The following ATP2A1 variants were observed in gnomAD, a reference collection of about 807,000 sequenced individuals.
The protein encoded by ATP2A1 is ATPase sarcoplasmic/endoplasmic reticulum Ca2+ transporting 1, also known as sarcoplasmic/endoplasmic reticulum calcium ATPase 1.
ATP2A1 carries 83 observed loss-of-function variants against 109.5 expected under a neutral mutation model. That is an observed-to-expected ratio of 0.76 (90% CI 0.63 to 0.91). The LOEUF (loss-of-function observed/expected upper bound fraction) is 0.91. Among genes scored for constraint, ATP2A1 ranks in the 40% least tolerant of loss-of-function variants. The probability of loss-of-function intolerance (pLI) is 0.00; values close to 1 mark genes in which losing one functional copy is unlikely to be tolerated. For synonymous variants in ATP2A1, 505 were observed against 537.6 expected (o/e 0.94, Z 0.84); for missense variants, 1,101 against 1,341.0 (o/e 0.82, Z 2.80).
At chr16:28,879,041 G>A in intron 1 of ATP2A1, 58 bp from the exon 2 acceptor site, 2 of 1,609,692 alleles carry the variant, frequency 1.2e-6, no homozygotes, top group Non-Finnish European at 1.7e-6. Context: ...TCTTGGGTGT[G>A]GGGGGCATGA....
rs1468010742 is a variant in ATP2A1, at chr16:28,878,686, T to A, written c.15T>A (p.His5Gln). 6.9e-6 allele frequency: 11 copies of A among 1,604,488 alleles called. No homozygotes were observed. ...AAGGGAGCACAATGGAGGCCGCTCATGCTAAAACCACGGAGGAATGTTTGG... is the reference window on the plus strand; with the variant it reads ...AAGGGAGCACAATGGAGGCCGCTCAAGCTAAAACCACGGAGGAATGTTTGG... MEAA[H>Q]AKTTEECLAY... Residue 5 changes from histidine (H) to glutamine (Q), a missense_variant, in exon 1 of 23, where the codon CAT (histidine) becomes CAA (glutamine). His to Gln is a conservative substitution (Grantham distance 24, BLOSUM62 0). Coordinates refer to ENST00000395503, the MANE Select transcript of ATP2A1 (RefSeq NM_004320.6).
rs748389594 is a variant in ATP2A1 at position 28,894,947 on chromosome 16, C to CA, written c.1415dup (p.Asn472LysfsTer48). On this transcript the variant is annotated frameshift_variant, in exon 12 of 23. Coordinates refer to ENST00000395503, the MANE Select transcript of ATP2A1 (RefSeq NM_004320.6). LOFTEE classifies it high-confidence loss of function. ...CGAAGGTGGAGAGAGCCAACGCCTG[C>CA]AACTCGGTGAGCCTGCGGAGCCCCT... 1.1e-5 allele frequency: 17 copies of CA among 1,611,624 alleles called. No individual in the cohort carries two copies. Among genetic ancestry groups the CA allele is most frequent in the Non-Finnish European group, 1.3e-5 (15 of 1,180,004 alleles).
rs1964141402 is a variant in ATP2A1, at chr16:28,903,233, T to C, written c.2862+86T>C. ...TGACCACTCCCACCAGGGGCGCCGA[T>C]GTGGGAGGCTGGTGGGAGTGGGCTG... On this transcript the variant is annotated intron_variant, in intron 20 of 22. Transcript: ENST00000395503. This position sits in a 1 kb window ranked among gnomAD's most constrained non-coding sequence, Gnocchi z 5.6. The C allele has an allele frequency of 6.4e-7, 1 of 1,571,930 alleles. No homozygotes were observed.
Position 28,899,647 on chromosome 16 carries a change from G to GCC in ATP2A1, c.1765-922_1765-921dup, listed in dbSNP as rs1373771764. Among the ~76,000 whole-genome samples the GCC allele has an allele frequency of 2.1e-3, 25 of 11,692 alleles. 1 individual carries two copies. Among genetic ancestry groups the GCC allele is most frequent in the South Asian group, 0.018 (2 of 112 alleles). The allele number at this position is 11,692 out of a possible 152,430, so 7.7% of individuals were successfully genotyped here. On this transcript the variant is annotated intron_variant, in intron 14 of 22. Coordinates refer to ENST00000395503, the MANE Select transcript of ATP2A1 (RefSeq NM_004320.6). ...GAGCGAGACTCCATCCCCTGCGCCC[G>GCC]CCCCCCCCCCCCCGAAAAAGACACA...
chr16:28,884,428 A>G (rs1963563797), intron 5 of ATP2A1, 147 bp from the exon 6 acceptor site: 1 of 746,624 alleles, frequency 1.3e-6, no homozygotes, highest in Admixed American at 2.1e-5. Context: ...CAGGAGCTCA[A>G]GCCAAGGGCC....
chr16:28,903,468 C>T lies in ATP2A1; in HGVS notation c.2980+28C>T. 6.3e-7 allele frequency: 1 copy of T among 1,583,380 alleles called. No homozygotes were observed. The highest frequency in any genetic ancestry group is 2.2e-5 in the East Asian group (1 of 44,716). ...AAGGAGTGCCCTCTCTGTCCCAAGC[C>T]CTGGCCCCACCACAGCCCCTTCCCC... On this transcript the variant is annotated intron_variant, in intron 21 of 22. Coordinates refer to ENST00000395503, the MANE Select transcript of ATP2A1 (RefSeq NM_004320.6). The surrounding 1 kb of genome is among the most constrained non-coding windows in gnomAD (Gnocchi z 5.6).
In ATP2A1 at chr16:28,902,913, T is replaced by C; in HGVS notation, c.2744+2T>C. 2 of 1,613,650 alleles carry C rather than the reference T, an allele frequency of 1.2e-6. No homozygotes were observed. Among genetic ancestry groups the C allele is most frequent in the Non-Finnish European group, 1.7e-6 (2 of 1,179,842 alleles). On this transcript the variant is annotated splice_donor_variant, in intron 19 of 22. Transcript: ENST00000395503. LOFTEE classifies it high-confidence loss of function. The surrounding 1 kb of genome is among the most constrained non-coding windows in gnomAD (Gnocchi z 4.8). ...CGAGATGTGCAATGCACTGAACAGG[T>C]GGGGGCCCCCCAGCTACACCCACCA...
rs1483249654 is a variant in ATP2A1, at chr16:28,898,988, CA to C, written c.1764+543del. Among the ~76,000 whole-genome samples the C allele has an allele frequency of 4.6e-5, 7 of 151,318 alleles. No individual in the cohort carries two copies. In the South Asian group the frequency reaches 1.5e-3, roughly 32 times the overall value. ...ACAAGCAAGGCCCTGTCTCTAAAAA[CA>C]AAAAACAAAAACACACACACACACA... is the stretch of plus-strand genomic sequence containing the variant. On this transcript the variant is annotated intron_variant, in intron 14 of 22. Transcript: ENST00000395503. This position sits in a 1 kb window ranked among gnomAD's most constrained non-coding sequence, Gnocchi z 4.0.
Position 28,898,185 on chromosome 16 carries a change from G to T in ATP2A1, c.1546-48G>T. The T allele has an allele frequency of 6.2e-7, 1 of 1,614,112 alleles. No individual in the cohort carries two copies. On this transcript the variant is annotated intron_variant, in intron 13 of 22. Coordinates refer to ENST00000395503, the MANE Select transcript of ATP2A1 (RefSeq NM_004320.6). This position sits in a 1 kb window ranked among gnomAD's most constrained non-coding sequence, Gnocchi z 4.0. ...TTCCTACTCCTAGCCACCTGTCACT[G>T]CCCTGGAAGGAAAGTGGTGGTCTCT... is the stretch of plus-strand genomic sequence containing the variant.
At chr16:28,892,023 A>G (rs1178026076) in intron 9 of ATP2A1, among the ~76,000 whole-genome samples, 1 of 152,194 alleles carries the variant, frequency 6.6e-6, no homozygotes, top group Non-Finnish European at 1.5e-5. Context: ...GGCAACACAC[A>G]TGCTTCTTTA....
chr16:28,895,287 G>C (rs1364153474), intron 12 of ATP2A1, among the ~76,000 whole-genome samples: 1 of 152,182 alleles, frequency 6.6e-6, no homozygotes, highest in African/African-American at 2.4e-5. Flanking sequence ...AAGCACACTT[G>C]TTTTCAGCAG....
At chr16:28,897,975 TC>T in intron 12 of ATP2A1, 24 bp from the exon 13 acceptor site, 2 of 1,613,864 alleles carry the variant, frequency 1.2e-6, no homozygotes, top group Non-Finnish European at 8.5e-7. Flanking sequence ...AGAGGACTGG[TC>T]TCCCCTCCCT....
rs1190927243 is a variant in ATP2A1, at chr16:28,903,329, T to C, written c.2869T>C (p.Phe957Leu). 6.2e-7 allele frequency: 1 copy of C among 1,613,246 alleles called. No individual in the cohort carries two copies. Among genetic ancestry groups the C allele is most frequent in the Non-Finnish European group, 8.5e-7 (1 of 1,179,592 alleles). Residue 957 changes from phenylalanine to leucine, a missense_variant, in exon 21 of 23, where the codon TTC (phenylalanine) becomes CTC (leucine). Coordinates refer to ENST00000395503, the MANE Select transcript of ATP2A1 (RefSeq NM_004320.6). The surrounding 1 kb of genome is among the most constrained non-coding windows in gnomAD (Gnocchi z 5.6). Reference sequence around the variant, plus strand: ...CGCTTGTCCCCTGCCCCAGATGATCTTCAAGCTCCGGGCCCTGGACCTCAC... The same window carrying C: ...CGCTTGTCCCCTGCCCCAGATGATCCTCAAGCTCCGGGCCCTGGACCTCAC... Reference protein sequence around the residue: ...ILYVDPLPMIFKLRALDLTQW... With the variant: ...ILYVDPLPMILKLRALDLTQW...
rs1035420033 is a variant in ATP2A1, at chr16:28,900,589, G to A, written c.1773G>A (p.Leu591=). ...CTGCTGTATCTCCCCAGACGGACCT[G>A]ACATTCGTGGGTGTAGTGGGCATGC... ...SARFLEYETD[L]TFVGVVGMLD... The change falls in exon 15 of 23, where the codon CTG becomes CTA. Residue 591 remains leucine, a synonymous_variant. Coordinates refer to ENST00000395503, the MANE Select transcript of ATP2A1 (RefSeq NM_004320.6). 3 of 1,564,738 alleles carry A rather than the reference G, an allele frequency of 1.9e-6. No individual in the cohort carries two copies.
rs1283898358 is a variant in ATP2A1, at chr16:28,903,499, G to A, written c.2980+59G>A. 73 of 1,436,734 alleles carry A rather than the reference G, an allele frequency of 5.1e-5. No individual in the cohort carries two copies. Among genetic ancestry groups the A allele is most frequent in the East Asian group, 3.0e-4 (13 of 43,400 alleles). The allele number at this position is 1,436,734 out of a possible 1,614,324, so 89.0% of individuals were successfully genotyped here. On this transcript the variant is annotated intron_variant, in intron 21 of 22. Coordinates refer to ENST00000395503, the MANE Select transcript of ATP2A1 (RefSeq NM_004320.6). The surrounding 1 kb of genome is among the most constrained non-coding windows in gnomAD (Gnocchi z 5.6). ...CCCACCACAGCCCCTTCCCCATGAC[G>A]CCGCCCCCGCCCCGCCCCGTACTTT...
In ATP2A1 at chr16:28,878,597, ACT is replaced by A. The variant is rs1963342227; in HGVS notation, c.-74_-73del. On this transcript the variant is annotated 5_prime_UTR_variant, in exon 1 of 23. Coordinates refer to ENST00000395503, the MANE Select transcript of ATP2A1 (RefSeq NM_004320.6). ...CCCAGGCAGACAGGCAGTTGGACAC[ACT>A]GAGGAAGACCCCCCACGAGTGGGAA... 1 of 1,250,242 alleles carries A rather than the reference ACT, an allele frequency of 8.0e-7. No individual in the cohort carries two copies. The highest frequency in any genetic ancestry group is 1.1e-6 in the Non-Finnish European group (1 of 872,598). 77.4% of individuals were successfully genotyped at this position (1,250,242 alleles called of 1,614,324 possible).
rs761882927 is a variant in ATP2A1, at chr16:28,887,231, A to T, written c.587A>T (p.Asp196Val). The stretch of plus-strand genomic sequence containing the variant: ...ATCAAACACACGGAGCCCGTTCCTG[A>T]CCCCCGAGCTGTCAACCAGGACAAG... ...SVIKHTEPVP[D>V]PRAVNQDKKN... is the part of the protein sequence containing the mutation. Residue 196 changes from aspartate to valine, a missense_variant, in exon 7 of 23, where the codon GAC becomes GTC. Physicochemically the swap from Asp to Val is radical, Grantham distance 152 (BLOSUM62 -3). Coordinates refer to ENST00000395503, the MANE Select transcript of ATP2A1 (RefSeq NM_004320.6). 6.2e-7 allele frequency: 1 copy of T among 1,612,290 alleles called. No individual in the cohort carries two copies. Among genetic ancestry groups the T allele is most frequent in the Non-Finnish European group, 8.5e-7 (1 of 1,179,690 alleles).
chr16:28,899,970 A>C (rs1422655421), intron 14 of ATP2A1, among the ~76,000 whole-genome samples: 1 of 142,926 alleles, frequency 7.0e-6, no homozygotes, highest in East Asian at 2.2e-4. Context: ...ATCTCAAAAA[A>C]CAAAACAAAA....
chr16:28,884,364 G>A (rs569627723), intron 5 of ATP2A1, among the ~76,000 whole-genome samples: 25 of 152,114 alleles, frequency 1.6e-4, no homozygotes, highest in Non-Finnish European at 3.2e-4. Flanking sequence ...ACTCCATCTC[G>A]CCGTGGACAC....
Sources: allele counts gnomAD v4.1 joint callset (sites outside exome capture counted in the v4.1 genomes callset), GRCh38; gene constraint gnomAD v4.1.1; non-coding constraint Gnocchi (gnomAD v3.1); transcripts MANE v1.5; gene names NCBI Gene and HGNC (gene_info 2026-07-23, HGNC 2026-07-21).